WIPF2: variants seen among roughly 807,000 people sequenced by gnomAD.
The protein encoded by WIPF2 is WAS/WASL-interacting protein family member 2.
WIPF2 carries 23 observed loss-of-function variants against 38.8 expected under a neutral mutation model. The observed-to-expected ratio is 0.59, with a 90% confidence interval of 0.43 to 0.84. WIPF2 has a LOEUF of 0.84. Among genes scored for constraint, WIPF2 ranks in the 40% least tolerant of loss-of-function variants. The probability of loss-of-function intolerance (pLI) is 0.00; values close to 1 mark genes in which losing one functional copy is unlikely to be tolerated. For missense variants in WIPF2, 574 were observed against 580.5 expected, an observed-to-expected ratio of 0.99 and a Z score of 0.11; for synonymous variants, 210 against 223.2, an observed-to-expected ratio of 0.94 and a Z score of 0.53.
At chr17:40,272,420 T>C (rs1345683313) in intron 5 of WIPF2, among the ~76,000 whole-genome samples, 3 of 152,226 alleles carry the variant, frequency 2.0e-5, no homozygotes, top group Non-Finnish European at 4.4e-5. Context: ...TAAACTTGCT[T>C]TGGAGGCAAT....
intron 1 of WIPF2, among the ~76,000 whole-genome samples, chr17:40,223,403 T>C (rs1014042006): frequency 6.6e-6 from 1 of 152,034 alleles, no homozygotes; most frequent in African/African-American, 2.4e-5. Context: ...GTGTTTACCC[T>C]AGCTGGTACT....
In WIPF2 at chr17:40,262,602, G is replaced by C; in HGVS notation, c.274G>C (p.Val92Leu). The change falls in exon 4 of 8, where the codon GTG (valine) becomes CTG (leucine). Residue 92 changes from valine (V) to leucine (L), a missense_variant. By Grantham distance (32) the Val-to-Leu change is conservative (BLOSUM62 1). Transcript: ENST00000323571. ...QPKGGLFQGGVLKLRPVGAKD... is the reference protein window; with the variant it reads ...QPKGGLFQGGLLKLRPVGAKD... ...CAAGGGAGGTCTCTTCCAAGGAGGA[G>C]TGCTGAAGCTTCGACCTGTGGGAGC... 6.2e-7 allele frequency: 1 copy of C among 1,614,000 alleles called. No individual in the cohort carries two copies. The highest frequency in any genetic ancestry group is 1.7e-5 in the Admixed American group (1 of 60,008).
chr17:40,271,378 A>G (rs1327550069), intron 5 of WIPF2, among the ~76,000 whole-genome samples: 2 of 152,200 alleles, frequency 1.3e-5, no homozygotes, highest in Non-Finnish European at 2.9e-5. Flanking sequence ...GTGCTGTGGC[A>G]CATGCCTATA....
intron 1 of WIPF2, among the ~76,000 whole-genome samples, chr17:40,254,758 G>A (rs756296136): frequency 6.6e-6 from 1 of 151,534 alleles, no homozygotes; most frequent in African/African-American, 2.4e-5. Flanking sequence ...TTGAGACAGA[G>A]TTTCGCTCTG....
chr17:40,257,216 A>C (rs1460395239), intron 2 of WIPF2, among the ~76,000 whole-genome samples: 1 of 151,886 alleles, frequency 6.6e-6, no homozygotes, highest in Admixed American at 6.6e-5. Context: ...TGACCTTGTG[A>C]TCCTCCTGCC....
At chr17:40,242,404 T>G (rs2031220204) in intron 1 of WIPF2, among the ~76,000 whole-genome samples, 1 of 150,896 alleles carries the variant, frequency 6.6e-6, no homozygotes, top group Admixed American at 6.6e-5. Flanking sequence ...AATTTTTTGT[T>G]GTTGTTGTTG....
chr17:40,261,679 T>TG (rs2031906905), intron 3 of WIPF2, among the ~76,000 whole-genome samples: 1 of 149,506 alleles, frequency 6.7e-6, no homozygotes, highest in African/African-American at 2.5e-5. Context: ...TTTTTTTTTT[T>TG]TGGTTTTTTT....
intron 1 of WIPF2, 67 bp from the exon 2 acceptor site, chr17:40,256,324 C>G: frequency 1.5e-6 from 2 of 1,330,144 alleles, no homozygotes; most frequent in Non-Finnish European, 1.0e-6. Flanking sequence ...GCCCAGTTCT[C>G]TCATTCTCCT....
chr17:40,279,354 C>G lies in WIPF2; in HGVS notation c.*1129C>G. The G allele has an allele frequency of 6.5e-6, 1 of 152,846 alleles. No homozygotes were observed. The highest frequency in any genetic ancestry group is 1.5e-5 in the Non-Finnish European group (1 of 68,212). The allele number at this position is 152,846 out of a possible 1,614,324, so 9.5% of individuals were successfully genotyped here. On this transcript the variant is annotated 3_prime_UTR_variant, in exon 8 of 8. Transcript: ENST00000323571. The stretch of plus-strand genomic sequence containing the variant: ...TTCACAGCCCACCTGACTGAGCAGA[C>G]TCTTCCTGTTCCTTTCTCTACCACC...
At chr17:40,220,571 G>GTGTGTATATATATATATATA (rs1270808243) in intron 1 of WIPF2, 1 of 85,650 alleles carries the variant, frequency 1.2e-5, no homozygotes, top group Non-Finnish European at 2.2e-5. Context: ...ACGTGTGTGT[G>GTGTGTATATATATATATATA]TGTATATATA....
chr17:40,237,171 G>T (rs1372981314), intron 1 of WIPF2, among the ~76,000 whole-genome samples: 2 of 150,280 alleles, frequency 1.3e-5, no homozygotes, highest in African/African-American at 2.4e-5. Context: ...TCTCTTTCTG[G>T]AAACGCTGTT....
intron 6 of WIPF2, among the ~76,000 whole-genome samples, chr17:40,275,240 C>CAAAAAA (rs58914738): frequency 2.5e-4 from 15 of 60,012 alleles, no homozygotes; most frequent in Admixed American, 3.5e-4. Context: ...GACTCCGTCT[C>CAAAAAA]AAAAAAAAAA....
In WIPF2 at chr17:40,256,508, C is replaced by G; in HGVS notation, c.49C>G (p.Pro17Ala). 1 of 1,606,796 alleles carries G rather than the reference C, an allele frequency of 6.2e-7. No individual in the cohort carries two copies. The highest frequency in any genetic ancestry group is 8.5e-7 in the Non-Finnish European group (1 of 1,176,920). Residue 17 changes from proline (P) to alanine (A), a missense_variant, in exon 2 of 8, where the codon CCC becomes GCC. Transcript: ENST00000323571. ...PPPPPGPPPP[P>A]TFHQANTEQP... ...ACCCCCACCTGGTCCTCCTCCACCT[C>G]CCACATTTCATCAGGTAGGTAGTCC... is the stretch of plus-strand genomic sequence containing the variant.
chr17:40,246,690 C>A (rs2031377935), intron 1 of WIPF2, among the ~76,000 whole-genome samples: 1 of 152,122 alleles, frequency 6.6e-6, no homozygotes, highest in Non-Finnish European at 1.5e-5. Flanking sequence ...AGCCACTGCG[C>A]CTGGCTAGGC....
At position 40,283,255 on chromosome 17, in the gene WIPF2, A is replaced by AT. The variant is rs200002428; in HGVS notation, c.*5039dup. The AT allele has an allele frequency of 1.7e-3, 188 of 110,116 alleles. 2 individuals are homozygous for AT. The highest frequency in any genetic ancestry group is 5.9e-3 in the African/African-American group (170 of 28,620). The allele number at this position is 110,116 out of a possible 1,614,324, so 6.8% of individuals were successfully genotyped here. ...TGGTCCTTATTTTATTATTATTATT[A>AT]TTTTTTTTTGAGACAGGATGTTGCT... On this transcript the variant is annotated 3_prime_UTR_variant, in exon 8 of 8. Coordinates refer to ENST00000323571, the MANE Select transcript of WIPF2 (RefSeq NM_133264.5).
chr17:40,255,554 A>G (rs945233093), intron 1 of WIPF2, among the ~76,000 whole-genome samples: 10 of 151,218 alleles, frequency 6.6e-5, no homozygotes, highest in East Asian at 2.0e-4. Context: ...TGAACTCCCA[A>G]TCTCAGGTGA....
chr17:40,245,124 A>AT (rs2031319741), intron 1 of WIPF2, among the ~76,000 whole-genome samples: 1 of 152,226 alleles, frequency 6.6e-6, no homozygotes, highest in African/African-American at 2.4e-5. Flanking sequence ...TCTCTAAAAA[A>AT]TAAATAAGTA....
At chr17:40,243,752 C>T (rs569605933) in intron 1 of WIPF2, among the ~76,000 whole-genome samples, 3 of 151,912 alleles carry the variant, frequency 2.0e-5, no homozygotes, top group South Asian at 2.1e-4. Flanking sequence ...AACTCCTGAC[C>T]TCGGGTGATC....
intron 1 of WIPF2, among the ~76,000 whole-genome samples, chr17:40,247,426 C>G (rs961499176): frequency 6.6e-6 from 1 of 151,322 alleles, no homozygotes; most frequent in Admixed American, 6.6e-5. Flanking sequence ...ACCATGTTGG[C>G]CAGGCTAGTC....
Sources: gnomAD v4.1 joint callset for allele counts (sites outside exome capture counted in the v4.1 genomes callset) on GRCh38, gnomAD v4.1.1 for gene constraint, MANE v1.5 for transcripts, NCBI Gene and HGNC (gene_info 2026-07-23, HGNC 2026-07-21) for gene names.